The following GFRA3 variants were observed in gnomAD, a reference collection of about 807,000 sequenced individuals.
The protein encoded by GFRA3 is GDNF family receptor alpha 3, also known as GDNF family receptor alpha-3.
GFRA3 carries 24 observed loss-of-function variants against 40.0 expected under a neutral mutation model. The ratio of observed to expected loss-of-function variants is 0.60; its 90% CI spans 0.43 to 0.84. The LOEUF is 0.84. GFRA3 is among the 40% of genes least tolerant of loss of function. GFRA3 has a pLI of 0.00. For missense variants in GFRA3, 405 were observed against 530.6 expected, an observed-to-expected ratio of 0.76 and a Z score of 2.33; for synonymous variants, 203 against 213.5, an observed-to-expected ratio of 0.95 and a Z score of 0.43.
chr5:138,263,902 C>T (rs907525729), intron 2 of GFRA3, among the ~76,000 whole-genome samples: 20 of 152,198 alleles, frequency 1.3e-4, no homozygotes, highest in Non-Finnish European at 2.8e-4. Context: ...ACCTCCCCAT[C>T]TCTCTGAACT....
At chr5:138,255,199 T>C (rs1034551373) in intron 4 of GFRA3, among the ~76,000 whole-genome samples, 2 of 152,140 alleles carry the variant, frequency 1.3e-5, no homozygotes, top group Admixed American at 6.6e-5. Context: ...TAATATATGT[T>C]AAGTACTTAA....
chr5:138,253,636 C>G, intron 6 of GFRA3, 130 bp downstream of exon 6: 1 of 846,768 alleles, frequency 1.2e-6, no homozygotes, highest in Non-Finnish European at 1.9e-6. Flanking sequence ...GCAATGAAAG[C>G]CTATGCTAGG....
At position 138,274,592 on chromosome 5, in the gene GFRA3, G is replaced by C. The variant is rs1755924759; in HGVS notation, c.-168C>G. ...GCCGCCCTCCAACTCCGAAGCGCGCGTCCACACCACGCGCCTCCAGCGCTG... is the reference window on the plus strand; with the variant it reads ...GCCGCCCTCCAACTCCGAAGCGCGCCTCCACACCACGCGCCTCCAGCGCTG... On this transcript the variant is annotated 5_prime_UTR_variant, in exon 1 of 8. Transcript: ENST00000274721. The C allele has an allele frequency of 2.4e-6, 3 of 1,225,498 alleles. No individual in the cohort carries two copies. Among genetic ancestry groups the C allele is most frequent in the Admixed American group, 4.3e-5 (1 of 23,508 alleles). The allele number at this position is 1,225,498 out of a possible 1,614,324, so 75.9% of individuals were successfully genotyped here.
At chr5:138,268,200 G>A (rs773150295) in intron 1 of GFRA3, among the ~76,000 whole-genome samples, 7 of 135,892 alleles carry the variant, frequency 5.2e-5, no homozygotes, top group African/African-American at 8.1e-5. Context: ...CAGGAGAATC[G>A]CTTGAACCCA....
chr5:138,254,011 C>T (rs1209910773), intron 5 of GFRA3, 46 bp downstream of exon 5: 1 of 1,557,010 alleles, frequency 6.4e-7, no homozygotes, highest in South Asian at 1.1e-5. Flanking sequence ...TTCTTACCCT[C>T]AGGCCTAGCC....
chr5:138,265,180 T>C (rs1289884013), intron 1 of GFRA3, among the ~76,000 whole-genome samples: 20 of 149,668 alleles, frequency 1.3e-4, no homozygotes, highest in Admixed American at 1.2e-3. Flanking sequence ...TCTCACTAGC[T>C]GTTCAAAGAT....
intron 1 of GFRA3, among the ~76,000 whole-genome samples, chr5:138,268,491 G>A (rs1315795393): frequency 1.5e-4 from 22 of 150,624 alleles, no homozygotes; most frequent in African/African-American, 5.4e-4. Context: ...AGTCAGCAGA[G>A]TAAACAGACA....
At chr5:138,270,461 A>G (rs1755853473) in intron 1 of GFRA3, among the ~76,000 whole-genome samples, 1 of 152,028 alleles carries the variant, frequency 6.6e-6, no homozygotes, top group African/African-American at 2.4e-5. Context: ...TAACTCAGGA[A>G]TGGAAAACCA....
At chr5:138,258,909 T>C (rs1755673541) in intron 3 of GFRA3, among the ~76,000 whole-genome samples, 1 of 152,232 alleles carries the variant, frequency 6.6e-6, no homozygotes, top group Non-Finnish European at 1.5e-5. Context: ...TATTTGCTGA[T>C]CTTGTCACTT....
At chr5:138,271,151 C>G (rs1046422911) in intron 1 of GFRA3, among the ~76,000 whole-genome samples, 2 of 152,044 alleles carry the variant, frequency 1.3e-5, no homozygotes, top group Non-Finnish European at 2.9e-5. Flanking sequence ...CCCCACCATG[C>G]CTGGCTAATT....
At position 138,274,607 on chromosome 5, in the gene GFRA3, C is replaced by T; in HGVS notation, c.-183G>A. 2 of 1,224,180 alleles carry T rather than the reference C, an allele frequency of 1.6e-6. No individual in the cohort carries two copies. Among genetic ancestry groups the T allele is most frequent in the Non-Finnish European group, 2.0e-6 (2 of 983,522 alleles). The allele number at this position is 1,224,180 out of a possible 1,614,324, so 75.8% of individuals were successfully genotyped here. ...CGAAGCGCGCGTCCACACCACGCGC[C>T]TCCAGCGCTGGTCCGAGGGACCGCG... On this transcript the variant is annotated 5_prime_UTR_variant, in exon 1 of 8. Transcript: ENST00000274721.
chr5:138,265,729 C>G lies in GFRA3; in HGVS notation c.92-1181G>C, dbSNP rs115976412. Among the ~76,000 whole-genome samples the G allele has an allele frequency of 7.1e-3, 1,087 of 152,106 alleles. 6 individuals are homozygous for G. Among genetic ancestry groups the G allele is most frequent in the African/African-American group, 0.024 (1,009 of 41,476 alleles). ...TTTCTTTTTTAGATAGGGTCTTGCT[C>G]TATCTCCCAGGCTGGAGTGCAGTGG... On this transcript the variant is annotated intron_variant, in intron 1 of 7. Coordinates refer to ENST00000274721, the MANE Select transcript of GFRA3 (RefSeq NM_001496.4).
At chr5:138,256,272 T>C (rs1162548856) in intron 4 of GFRA3, among the ~76,000 whole-genome samples, 2 of 149,472 alleles carry the variant, frequency 1.3e-5, no homozygotes, top group Non-Finnish European at 3.0e-5. Context: ...CTTATGCCTG[T>C]TATCCTAGCA....
Position 138,253,760 on chromosome 5 carries a change from A to G in GFRA3, c.1024+6T>C. The G allele has an allele frequency of 6.2e-7, 1 of 1,613,358 alleles. No homozygotes were observed. Among genetic ancestry groups the G allele is most frequent in the Non-Finnish European group, 8.5e-7 (1 of 1,179,640 alleles). ...CAGGGGCTGGGAGCAAGTACAGCAC[A>G]CTCACTGAGGCAGGGGTTGTGGGAG... On this transcript the variant is annotated splice_donor_region_variant and intron_variant, in intron 6 of 7. Coordinates refer to ENST00000274721, the MANE Select transcript of GFRA3 (RefSeq NM_001496.4).
chr5:138,253,313 G>T lies in GFRA3; in HGVS notation c.1087C>A (p.Pro363Thr). 2 of 1,601,496 alleles carry T rather than the reference G, an allele frequency of 1.2e-6. No homozygotes were observed. The highest frequency in any genetic ancestry group is 1.7e-6 in the Non-Finnish European group (2 of 1,173,172). ...TGGTGTGCCATCACAGCAAAGGTAG[G>T]GTGTGGCCAGTCCTGGGAGAAGAGT... ...SQLFSQDWPHPTFAVMAHQNE... is the reference protein window; with the variant it reads ...SQLFSQDWPHTTFAVMAHQNE... The change falls in exon 7 of 8, where the codon CCT becomes ACT. Residue 363 changes from proline to threonine, a missense_variant. Coordinates refer to ENST00000274721, the MANE Select transcript of GFRA3 (RefSeq NM_001496.4).
intron 4 of GFRA3, among the ~76,000 whole-genome samples, 159 bp downstream of exon 4, chr5:138,257,480 A>G (rs951631301): frequency 2.0e-5 from 3 of 152,212 alleles, no homozygotes; most frequent in African/African-American, 7.2e-5. Context: ...TCTTTTTGAG[A>G]AAAGACTTTC....
chr5:138,256,526 TCAAAAAAAACAAA>T lies in GFRA3; in HGVS notation c.785+1100_785+1112del, dbSNP rs1755631408. On this transcript the variant is annotated intron_variant, in intron 4 of 7. Coordinates refer to ENST00000274721, the MANE Select transcript of GFRA3 (RefSeq NM_001496.4). ...CTGGATGACAGAGAGAGACTCCATC[TCAAAAAAAACAAA>T]CAAAAAAAAACAAACAAAAAAAAAA... Among the ~76,000 whole-genome samples the T allele has an allele frequency of 1.5e-4, 20 of 133,652 alleles. No individual in the cohort carries two copies. In the South Asian group the frequency reaches 2.3e-3, roughly 16 times the overall value. 87.7% of individuals were successfully genotyped at this position (133,652 alleles called of 152,430 possible).
chr5:138,259,966 G>T (rs1036737230), intron 2 of GFRA3, among the ~76,000 whole-genome samples: 47 of 152,192 alleles, frequency 3.1e-4, no homozygotes, highest in African/African-American at 1.1e-3. Flanking sequence ...AGCACACAGT[G>T]TAGGGAGGCA....
chr5:138,271,822 C>T (rs1220471775), intron 1 of GFRA3, among the ~76,000 whole-genome samples: 1 of 148,402 alleles, frequency 6.7e-6, no homozygotes, highest in Non-Finnish European at 1.5e-5. Flanking sequence ...AAGCAATCCA[C>T]CCACCTTGGC....
Sources: gnomAD v4.1 joint callset for allele counts (sites outside exome capture counted in the v4.1 genomes callset) on GRCh38, gnomAD v4.1.1 for gene constraint, MANE v1.5 for transcripts, NCBI Gene and HGNC (gene_info 2026-07-23, HGNC 2026-07-21) for gene names.